The following PEX13 variants were observed in gnomAD, a reference collection of about 807,000 sequenced individuals.
PEX13 encodes the protein peroxisomal biogenesis factor 13.
A neutral mutation model predicts 34.5 loss-of-function variants in PEX13; 28 were observed. The ratio of observed to expected loss-of-function variants is 0.81; its 90% confidence interval spans 0.60 to 1.11. The LOEUF (loss-of-function observed/expected upper bound fraction) is 1.11, where lower values mean the gene tolerates loss of function less well. Ranked by LOEUF, PEX13 falls within the 50% of genes most tolerant of loss-of-function variation. The probability of loss-of-function intolerance (pLI) is 0.00; values close to 1 mark genes in which losing one functional copy is unlikely to be tolerated. For synonymous variants in PEX13, 177 were observed against 175.1 expected (o/e 1.01, Z -0.09); for missense variants, 550 against 491.0 (o/e 1.12, Z -1.13).
chr2:61,048,609 C>G lies in PEX13; in HGVS notation c.1051C>G (p.Gln351Glu), dbSNP rs1680747210. 6.2e-7 allele frequency: 1 copy of G among 1,614,144 alleles called. No individual in the cohort carries two copies. Among genetic ancestry groups the G allele is most frequent in the Non-Finnish European group, 8.5e-7 (1 of 1,180,018 alleles). ...KTVESSKVSK[Q>E]QQSFTNPTLT... is the part of the protein sequence containing the mutation. ...GGTGGAATCAAGTAAAGTTTCCAAG[C>G]AGCAACAATCTTTTACCAACCCAAC... The change falls in exon 4 of 4, where the codon CAG becomes GAG. Residue 351 changes from glutamine to glutamate, a missense_variant. Transcript: ENST00000295030.
At chr2:61,023,857 G>T (rs749276883) in intron 1 of PEX13, among the ~76,000 whole-genome samples, 1 of 151,406 alleles carries the variant, frequency 6.6e-6, no homozygotes, top group African/African-American at 2.4e-5. Context: ...GTGTGGTGAC[G>T]CAATCACACC....
chr2:61,042,929 A>G (rs1402195741), intron 2 of PEX13, among the ~76,000 whole-genome samples: 1 of 152,222 alleles, frequency 6.6e-6, no homozygotes, highest in Non-Finnish European at 1.5e-5. Flanking sequence ...CCCAATGGAT[A>G]TTAATACTTG....
At chr2:61,018,559 C>A (rs1230986992) in intron 1 of PEX13, 4 of 264,244 alleles carry the variant, frequency 1.5e-5, no homozygotes, top group Non-Finnish European at 2.9e-5. Context: ...TGTTTCGTGG[C>A]CTCGTGTGGC....
Position 61,048,440 on chromosome 2 carries a change from G to T in PEX13, c.914-32G>T, listed in dbSNP as rs368999003. The T allele has an allele frequency of 7.9e-5, 125 of 1,589,684 alleles. 1 individual carries two copies. The highest frequency in any genetic ancestry group is 6.0e-4 in the South Asian group (54 of 90,618). On this transcript the variant is annotated intron_variant, in intron 3 of 3. Coordinates refer to ENST00000295030, the MANE Select transcript of PEX13 (RefSeq NM_002618.4). ...TTCTGTTGGACCTCCAAAGTATATT[G>T]TAATTACAAGACTGTCTTTTTTTTC...
chr2:61,024,129 G>C (rs181451191), intron 1 of PEX13, among the ~76,000 whole-genome samples: 50 of 152,146 alleles, frequency 3.3e-4, no homozygotes, highest in African/African-American at 1.1e-3. Context: ...CCTTTAAAAA[G>C]AATCTTACCC....
intron 2 of PEX13, among the ~76,000 whole-genome samples, chr2:61,034,891 C>T (rs1033463891): frequency 6.6e-6 from 1 of 152,250 alleles, no homozygotes; most frequent in Non-Finnish European, 1.5e-5. Flanking sequence ...GTGGGCAGGG[C>T]ATAGCTGAAC....
chr2:61,049,952 C>T lies in PEX13; in HGVS notation c.*1182C>T, dbSNP rs934204121. 6.6e-6 allele frequency: 1 copy of T among 152,116 alleles called. No homozygotes were observed. Among genetic ancestry groups the T allele is most frequent in the Non-Finnish European group, 1.5e-5 (1 of 67,998 alleles). The allele number at this position is 152,116 out of a possible 1,614,324, so 9.4% of individuals were successfully genotyped here. ...TTTTAATATTTTCATAGATTGTTTGCTTCTACCTTGTGTAATTTTTTAAAT... is the reference window on the plus strand; with the variant it reads ...TTTTAATATTTTCATAGATTGTTTGTTTCTACCTTGTGTAATTTTTTAAAT... On this transcript the variant is annotated 3_prime_UTR_variant, in exon 4 of 4. Coordinates refer to ENST00000295030, the MANE Select transcript of PEX13 (RefSeq NM_002618.4).
chr2:61,019,031 A>T (rs548635389), intron 1 of PEX13: 1 of 152,414 alleles, frequency 6.6e-6, no homozygotes, highest in Admixed American at 6.5e-5. Context: ...TGCCAGACTT[A>T]TGTCGAATTT....
chr2:61,030,560 G>A (rs1264046019), intron 1 of PEX13, among the ~76,000 whole-genome samples: 1 of 152,190 alleles, frequency 6.6e-6, no homozygotes, highest in Admixed American at 6.5e-5. Flanking sequence ...GCCTTACAGA[G>A]AAAATACAGG....
At position 61,031,573 on chromosome 2, in the gene PEX13, G is replaced by T; in HGVS notation, c.247G>T (p.Gly83Cys). The change falls in exon 2 of 4, where the codon GGT becomes TGT. Residue 83 changes from glycine (G) to cysteine (C), a missense_variant. Physicochemically the swap from Gly to Cys is radical, Grantham distance 159 (BLOSUM62 -3). Transcript: ENST00000295030. ...TTACAGTTCATTTTCTTCTGGATAT[G>T]GTGCCTATGGAAATTCATTTTATGG... Reference protein sequence around the residue: ...PAYSSFSSGYGAYGNSFYGGY... With the variant: ...PAYSSFSSGYCAYGNSFYGGY... 6.2e-7 allele frequency: 1 copy of T among 1,614,116 alleles called. No individual in the cohort carries two copies. The highest frequency in any genetic ancestry group is 8.5e-7 in the Non-Finnish European group (1 of 1,180,016).
At chr2:61,043,344 A>AC (rs1354320791) in intron 2 of PEX13, among the ~76,000 whole-genome samples, 4 of 151,970 alleles carry the variant, frequency 2.6e-5, no homozygotes, top group Non-Finnish European at 4.4e-5. Context: ...AAAAAAAAAA[A>AC]AAAAAAAACA....
At chr2:61,018,981 C>T (rs1288909923) in intron 1 of PEX13, 1 of 152,070 alleles carries the variant, frequency 6.6e-6, no homozygotes, top group African/African-American at 2.4e-5. Context: ...TAAGATAATA[C>T]CTATATATTC....
In PEX13 at chr2:61,018,051, C is replaced by T. The variant is rs539059751; in HGVS notation, c.92+200C>T. 4.7e-6 allele frequency: 7 copies of T among 1,476,050 alleles called. No homozygotes were observed. The East Asian group carries it at 1.2e-4, about 26-fold the overall frequency. The allele number at this position is 1,476,050 out of a possible 1,614,324, so 91.4% of individuals were successfully genotyped here. ...CTCACAGCTGTTTCTGACCCGGCAG[C>T]TCTAATCAGCAACGTTTTTTTCGGG... On this transcript the variant is annotated intron_variant, in intron 1 of 3. Coordinates refer to ENST00000295030, the MANE Select transcript of PEX13 (RefSeq NM_002618.4).
chr2:61,048,947 C>T lies in PEX13; in HGVS notation c.*177C>T, dbSNP rs1680753737. The stretch of plus-strand genomic sequence containing the variant: ...GTATGTTGGTCTGGTGACCTGGTTA[C>T]ATTTTATTATACACATTATTGGACC... On this transcript the variant is annotated 3_prime_UTR_variant, in exon 4 of 4. Coordinates refer to ENST00000295030, the MANE Select transcript of PEX13 (RefSeq NM_002618.4). 4 of 612,622 alleles carry T rather than the reference C, an allele frequency of 6.5e-6. No individual in the cohort carries two copies. Among genetic ancestry groups the T allele is most frequent in the Non-Finnish European group, 1.1e-5 (4 of 348,554 alleles). 37.9% of individuals were successfully genotyped at this position (612,622 alleles called of 1,614,324 possible).
intron 1 of PEX13, among the ~76,000 whole-genome samples, chr2:61,019,240 T>G (rs1680195388): frequency 6.6e-6 from 1 of 152,010 alleles, no homozygotes; most frequent in Non-Finnish European, 1.5e-5. Flanking sequence ...ACTATTTATA[T>G]ATTATTTTTT....
chr2:61,024,669 C>T lies in PEX13; in HGVS notation c.93-6750C>T, dbSNP rs558120032. Among the ~76,000 whole-genome samples the T allele has an allele frequency of 7.2e-5, 11 of 152,138 alleles. No homozygotes were observed. In the South Asian group the frequency reaches 2.1e-3, roughly 29 times the overall value. On this transcript the variant is annotated intron_variant, in intron 1 of 3. Transcript: ENST00000295030. ...CTGAAAATACAAAAAATTAGCTGGG[C>T]GTGGTGGTGGGCGCCTGTAGTCCCA...
rs1030172005 is a variant in PEX13, at chr2:61,017,746, A to G, written c.-14A>G. On this transcript the variant is annotated 5_prime_UTR_variant, in exon 1 of 4. Transcript: ENST00000295030. ...GTCAGGGGTAGGAGCGGGAGCCGAG[A>G]GGAGGCGGAGGAGATGGCGTCCCAG... The G allele has an allele frequency of 9.7e-6, 15 of 1,547,642 alleles. No individual in the cohort carries two copies. Among genetic ancestry groups the G allele is most frequent in the East Asian group, 2.4e-5 (1 of 41,034 alleles).
chr2:61,024,461 A>G (rs571711374), intron 1 of PEX13, among the ~76,000 whole-genome samples: 1 of 152,214 alleles, frequency 6.6e-6, no homozygotes, highest in Non-Finnish European at 1.5e-5. Context: ...TTTTCTTCCC[A>G]TCTCTTTCCT....
chr2:61,046,294 A>G (rs549868628), intron 3 of PEX13, among the ~76,000 whole-genome samples: 58 of 152,320 alleles, frequency 3.8e-4, no homozygotes, highest in African/African-American at 1.4e-3. Context: ...ATTTTAGGAA[A>G]TAGTGTCATG....
Sources: allele counts gnomAD v4.1 joint callset (sites outside exome capture counted in the v4.1 genomes callset), GRCh38; gene constraint gnomAD v4.1.1; transcripts MANE v1.5; gene names NCBI Gene and HGNC (gene_info 2026-07-23, HGNC 2026-07-21).